Variants in NEBL observed in about 807,000 individuals in gnomAD.
The protein encoded by NEBL is nebulette.
Under a neutral mutation model 140.2 loss-of-function variants are expected in NEBL, and 122 were observed. The observed-to-expected ratio is 0.87, with a 90% CI of 0.75 to 1.01. The LOEUF is 1.01. Among genes scored for constraint, NEBL ranks in the 50% least tolerant of loss-of-function variants. The pLI, the probability that NEBL is intolerant of heterozygous loss-of-function variation, is 0.00. For synonymous variants in NEBL, 436 were observed against 398.9 expected (o/e 1.09, Z -1.11); for missense variants, 1,365 against 1,231.3 (o/e 1.11, Z -1.62).
intron 2 of NEBL, among the ~76,000 whole-genome samples, chr10:21,022,027 T>G (rs1044841234): frequency 1.3e-5 from 2 of 152,164 alleles, no homozygotes; most frequent in Non-Finnish European, 2.9e-5. Flanking sequence ...ATGACTCCCC[T>G]GGTGGTGAGG....
chr10:20,803,824 T>A (rs748659617), intron 26 of NEBL, among the ~76,000 whole-genome samples: 5,839 of 145,950 alleles, frequency 0.04, 152 homozygotes, highest in Admixed American at 0.066. Flanking sequence ...TATATATATA[T>A]ATATATATAT....
At chr10:20,847,929 G>A (rs752627590) in intron 11 of NEBL, among the ~76,000 whole-genome samples, 2 of 152,246 alleles carry the variant, frequency 1.3e-5, no homozygotes, top group South Asian at 2.1e-4. Flanking sequence ...AATCAGGTCC[G>A]ATTTGCTTCA....
chr10:21,263,550 G>A (rs183131097), intron 1 of NEBL, among the ~76,000 whole-genome samples: 5 of 152,264 alleles, frequency 3.3e-5, no homozygotes, highest in Admixed American at 1.3e-4. Context: ...ACTTGTGTGT[G>A]CTCTCCTATC....
intron 5 of NEBL, among the ~76,000 whole-genome samples, chr10:20,875,718 T>TAGCCAGCCAGCCAGCCAGCCAGCC (rs575325601): frequency 6.2e-4 from 94 of 151,846 alleles, no homozygotes; most frequent in African/African-American, 2.1e-3. Flanking sequence ...GCAGGAGTGA[T>TAGCCAGCCAGCCAGCCAGCCAGCC]AGCCAGCCAG....
chr10:21,173,518 G>A lies in NEBL; in HGVS notation c.69+247C>T, dbSNP rs1841177894. Reference sequence around the variant, plus strand: ...CGCACCGCCGTGCGCCCTCCGCAGAGGCTCTGCCGATGTCGCACCGCCCCG... The same window carrying A: ...CGCACCGCCGTGCGCCCTCCGCAGAAGCTCTGCCGATGTCGCACCGCCCCG... On this transcript the variant is annotated intron_variant, in intron 1 of 6. Coordinates refer to the NEBL transcript ENST00000417816. This position sits in a 1 kb window ranked among gnomAD's most constrained non-coding sequence, Gnocchi z 5.7. 6.6e-6 allele frequency among the ~76,000 whole-genome samples: 1 copy of A among 152,158 alleles called. No homozygotes were observed. The highest frequency in any genetic ancestry group is 1.5e-5 in the Non-Finnish European group (1 of 68,014).
At chr10:21,167,716 T>C (rs1840842163) in intron 2 of NEBL, among the ~76,000 whole-genome samples, 1 of 152,264 alleles carries the variant, frequency 6.6e-6, no homozygotes, top group South Asian at 2.1e-4. Context: ...TGTGGCTTGC[T>C]GGGTAGCAAA....
At chr10:21,027,953 G>A (rs1833583742) in intron 2 of NEBL, among the ~76,000 whole-genome samples, 1 of 152,016 alleles carries the variant, frequency 6.6e-6, no homozygotes, top group Admixed American at 6.6e-5. Context: ...CAAGTGCAGT[G>A]GCTCACACCT....
intron 2 of NEBL, among the ~76,000 whole-genome samples, chr10:21,062,932 G>A (rs758801439): frequency 2.0e-5 from 3 of 152,028 alleles, no homozygotes; most frequent in Admixed American, 6.6e-5. Flanking sequence ...GGACACGAGC[G>A]GCCAAGCTGT....
intron 2 of NEBL, among the ~76,000 whole-genome samples, chr10:21,092,139 T>C (rs1360180070): frequency 6.6e-6 from 1 of 152,244 alleles, no homozygotes; most frequent in Non-Finnish European, 1.5e-5. Context: ...CAAAGATACA[T>C]TAAGCAGAAC....
intron 2 of NEBL, among the ~76,000 whole-genome samples, chr10:21,034,946 A>T (rs1486069891): frequency 3.8e-5 from 1 of 26,666 alleles, no homozygotes; most frequent in Non-Finnish European, 6.0e-5. Flanking sequence ...ATTTATTCTT[A>T]TTTATTTATT....
At chr10:20,941,667 T>C (rs1004999190) in intron 4 of NEBL, among the ~76,000 whole-genome samples, 7 of 151,594 alleles carry the variant, frequency 4.6e-5, no homozygotes, top group African/African-American at 4.9e-5. Context: ...GATGACATGA[T>C]TGTATATCTA....
rs368565177 is a variant in NEBL, at chr10:20,793,420, G to C, written c.2762-6112C>G. On this transcript the variant is annotated intron_variant, in intron 26 of 27. Coordinates refer to ENST00000377122, the MANE Select transcript of NEBL (RefSeq NM_006393.3). ...AGATTAAGGACTGAGGACAGAGGAA[G>C]AATCAGTTACTTGCAGTGTTTTCAA... The C allele has an allele frequency of 5.5e-3, 4,904 of 890,930 alleles. 22 individuals are homozygous for C. Among genetic ancestry groups the C allele is most frequent in the Middle Eastern group, 0.02 (35 of 1,738 alleles). The allele number at this position is 890,930 out of a possible 1,614,324, so 55.2% of individuals were successfully genotyped here.
chr10:21,027,182 C>G (rs1833537736), intron 2 of NEBL, among the ~76,000 whole-genome samples: 1 of 152,098 alleles, frequency 6.6e-6, no homozygotes, highest in African/African-American at 2.4e-5. Flanking sequence ...CTTGTGAAAC[C>G]TCCCAGAGAA....
intron 2 of NEBL, among the ~76,000 whole-genome samples, chr10:21,059,719 T>C (rs1004668362): frequency 9.2e-5 from 14 of 152,338 alleles, no homozygotes; most frequent in African/African-American, 3.1e-4. Flanking sequence ...TTTTCAGTCA[T>C]GTAACATTAG....
rs74123918 is a variant in NEBL, at chr10:21,236,918, T to C, written n.348+11003A>G. ...TAACTACCTAGTAAGATAGGTACTA[T>C]TATTATTCCCCCTTTATAGAGAGAG... On this transcript the variant is annotated intron_variant and non_coding_transcript_variant, in intron 3 of 8. Transcript: ENST00000675702. 1.2e-3 allele frequency among the ~76,000 whole-genome samples: 184 copies of C among 152,296 alleles called. 2 individuals carry two copies. The highest frequency in any genetic ancestry group is 4.3e-3 in the African/African-American group (180 of 41,564).
At chr10:20,813,048 A>G (rs1480040146) in intron 23 of NEBL, 108 bp from the exon 24 acceptor site, 7 of 898,160 alleles carry the variant, frequency 7.8e-6, no homozygotes, top group Middle Eastern at 3.1e-4. Flanking sequence ...CAGATTGTCT[A>G]CATGTATGTA....
At chr10:20,819,162 C>T (rs1176192663) in intron 20 of NEBL, 4 of 859,634 alleles carry the variant, frequency 4.7e-6, no homozygotes, top group Admixed American at 3.4e-5. Context: ...ACTTCATCAC[C>T]CCGGCATTAA....
chr10:21,233,837 G>GCATATATATTACATATATA, intron 3 of NEBL, among the ~76,000 whole-genome samples: 1 of 117,894 alleles, frequency 8.5e-6, no homozygotes, highest in Non-Finnish European at 1.8e-5. Flanking sequence ...GCATATATAT[G>GCATATATATTACATATATA]GATATATATT....
rs10678454 is a variant in NEBL at position 21,272,118 on chromosome 10, A to ATTTTTTTTTT, written n.183-20300_183-20291dup. The stretch of plus-strand genomic sequence containing the variant: ...AGGCACCCGCCACCACACTTGGTTA[A>ATTTTTTTTTT]TTTTTTTTTTTTTTTTTTTTTTTTT... On this transcript the variant is annotated intron_variant and non_coding_transcript_variant, in intron 1 of 8. Transcript: ENST00000675702. Among the ~76,000 whole-genome samples the ATTTTTTTTTT allele has an allele frequency of 3.3e-3, 263 of 79,084 alleles. 28 individuals carry two copies. Among genetic ancestry groups the ATTTTTTTTTT allele is most frequent in the African/African-American group, 0.014 (249 of 17,668 alleles). 51.9% of individuals were successfully genotyped at this position (79,084 alleles called of 152,430 possible). A position where few individuals can be genotyped will look rare whatever the true frequency, so the allele number is the denominator to read the frequency against.
Sources: gnomAD v4.1 joint callset for allele counts (sites outside exome capture counted in the v4.1 genomes callset) on GRCh38, gnomAD v4.1.1 for gene constraint, Gnocchi (gnomAD v3.1) non-coding constraint, MANE v1.5 for transcripts, NCBI Gene and HGNC (gene_info 2026-07-23, HGNC 2026-07-21) for gene names.